Variants in SIGLEC12 observed in about 807,000 individuals in gnomAD.
SIGLEC12 encodes the protein sialic acid-binding Ig-like lectin 12.
In SIGLEC12, 43 loss-of-function variants were observed where a neutral mutation model predicts 54.1. That is an observed-to-expected ratio of 0.80 (90% CI 0.62 to 1.03). The LOEUF (loss-of-function observed/expected upper bound fraction) is 1.03. SIGLEC12 is among the 50% of genes least tolerant of loss of function. SIGLEC12 has a pLI of 0.00. For synonymous variants in SIGLEC12, 357 were observed against 307.6 expected (o/e 1.16, Z -1.68); for missense variants, 802 against 735.2 (o/e 1.09, Z -1.05).
chr19:51,498,001 G>C lies in SIGLEC12; in HGVS notation c.1405+17C>G, dbSNP rs1244757178. Reference sequence around the variant, plus strand: ...GGGACATGTGTGTTCTCCTCCTCCAGACCCTCCCCTACCCACCTGTGTACT... The same window carrying C: ...GGGACATGTGTGTTCTCCTCCTCCACACCCTCCCCTACCCACCTGTGTACT... On this transcript the variant is annotated intron_variant, in intron 5 of 7. Transcript: ENST00000291707. 1 of 1,613,760 alleles carries C rather than the reference G, an allele frequency of 6.2e-7. No individual in the cohort carries two copies. The highest frequency in any genetic ancestry group is 8.5e-7 in the Non-Finnish European group (1 of 1,179,748).
Position 51,499,191 on chromosome 19 carries a change from C to G in SIGLEC12, c.1114G>C (p.Val372Leu). 6.2e-7 allele frequency: 1 copy of G among 1,614,098 alleles called. No individual in the cohort carries two copies. The highest frequency in any genetic ancestry group is 8.5e-7 in the Non-Finnish European group (1 of 1,179,968). ...TTACCTGTGCCATCTCCTTGGAAGA[C>G]AGTCATGGTCAAGTTCTGAGGAGGA... The part of the protein sequence containing the change: ...SYPPQNLTMT[V>L]FQGDGTASTT... Residue 372 changes from valine (V) to leucine (L), a missense_variant, in exon 4 of 8, where the codon GTC becomes CTC. By Grantham distance (32) the Val-to-Leu change is conservative (BLOSUM62 1). Transcript: ENST00000291707.
In SIGLEC12 at chr19:51,497,395, C is replaced by T. The variant is rs369948742; in HGVS notation, c.1456G>A (p.Gly486Arg). 5.0e-6 allele frequency: 8 copies of T among 1,613,160 alleles called. No individual in the cohort carries two copies. The highest frequency in any genetic ancestry group is 1.3e-5 in the African/African-American group (1 of 74,894). ...GVTLGAFGGA[G>R]ATALVFLYFC... The stretch of plus-strand genomic sequence containing the variant: ...TACAGGAAGACCAGGGCTGTGGCTC[C>T]AGCTCCCCCGAATGCCCCTAGCGTC... Residue 486 changes from glycine (G) to arginine (R), a missense_variant, in exon 6 of 8, where the codon GGA (glycine) becomes AGA (arginine). Transcript: ENST00000291707.
chr19:51,496,951 C>G lies in SIGLEC12; in HGVS notation c.1528G>C (p.Ala510Pro). ...VVVRSCRKKS[A>P]RPAVGVGDTG... ...TCCCCCACGCCCACTGCTGGCCTTG[C>G]CGATTTCTTCCTGCAGGACCTCACT... The change falls in exon 7 of 8, where the codon GCA becomes CCA. Residue 510 changes from alanine to proline, a missense_variant. Physicochemically the swap from Ala to Pro is conservative, Grantham distance 27. Transcript: ENST00000291707. The G allele has an allele frequency of 6.2e-7, 1 of 1,613,440 alleles. No homozygotes were observed. Among genetic ancestry groups the G allele is most frequent in the Non-Finnish European group, 8.5e-7 (1 of 1,180,004 alleles).
At chr19:51,499,879 C>A (rs201450072) in intron 2 of SIGLEC12, 41 bp downstream of exon 2, 5 of 1,573,616 alleles carry the variant, frequency 3.2e-6, no homozygotes, top group Non-Finnish European at 3.5e-6. Flanking sequence ...CTGCGGCCCT[C>A]GGGCCTTCCC....
intron 7 of SIGLEC12, among the ~76,000 whole-genome samples, chr19:51,495,804 C>T (rs1002936484): frequency 2.6e-5 from 4 of 152,162 alleles, no homozygotes; most frequent in African/African-American, 4.8e-5. Context: ...ATGGATGTTA[C>T]TCTGCTACTC....
chr19:51,493,505 G>A (rs1183666699), intron 7 of SIGLEC12, among the ~76,000 whole-genome samples: 4 of 152,060 alleles, frequency 2.6e-5, no homozygotes, highest in African/African-American at 4.8e-5. Context: ...ACATCTTGTC[G>A]AAAGGCACAC....
intron 3 of SIGLEC12, 91 bp downstream of exon 3, chr19:51,499,347 C>T: frequency 6.4e-7 from 1 of 1,560,282 alleles, no homozygotes; most frequent in Non-Finnish European, 8.7e-7. Flanking sequence ...AGCCAAGATT[C>T]CAGGACCCAG....
intron 1 of SIGLEC12, among the ~76,000 whole-genome samples, chr19:51,501,081 G>A (rs1990380922): frequency 6.6e-6 from 1 of 152,136 alleles, no homozygotes; most frequent in South Asian, 2.1e-4. Flanking sequence ...AGCGTCAGAG[G>A]CAGGATGAGG....
At position 51,495,430 on chromosome 19, in the gene SIGLEC12, T is replaced by C. The variant is rs1326899458; in HGVS notation, c.1599+1450A>G. Among the ~76,000 whole-genome samples, 22 of 146,364 alleles carry C rather than the reference T, an allele frequency of 1.5e-4. 1 individual carries two copies. Among genetic ancestry groups the C allele is most frequent in the African/African-American group, 5.6e-4 (22 of 39,150 alleles). Reference sequence around the variant, plus strand: ...GTGGGTGGGTGGATGGATGGATGGATGGATGGATGGATGGACTGACGGGTG... The same window carrying C: ...GTGGGTGGGTGGATGGATGGATGGACGGATGGATGGATGGACTGACGGGTG... On this transcript the variant is annotated intron_variant, in intron 7 of 7. Transcript: ENST00000291707.
chr19:51,496,807 A>T, intron 7 of SIGLEC12, 73 bp downstream of exon 7: 1 of 1,516,494 alleles, frequency 6.6e-7, no homozygotes, highest in South Asian at 1.1e-5. Flanking sequence ...AAGGACAGTG[A>T]GGAAGTAATC....
In SIGLEC12 at chr19:51,496,962, C is replaced by T; in HGVS notation, c.1517G>A (p.Arg506Lys). 3 of 1,613,336 alleles carry T rather than the reference C, an allele frequency of 1.9e-6. No individual in the cohort carries two copies. The highest frequency in any genetic ancestry group is 1.3e-5 in the African/African-American group (1 of 75,022). ...CACTGCTGGCCTTGCCGATTTCTTC[C>T]TGCAGGACCTCACTCTGAGTGAAGA... Reference protein sequence around the residue: ...CIIFVVVRSCRKKSARPAVGV... With the variant: ...CIIFVVVRSCKKKSARPAVGV... Residue 506 changes from arginine (R) to lysine (K), a missense_variant, in exon 7 of 8, where the codon AGG (arginine) becomes AAG (lysine). Transcript: ENST00000291707.
At position 51,499,715 on chromosome 19, in the gene SIGLEC12, G is replaced by T; in HGVS notation, c.810C>A (p.Ala270=). 6.2e-7 allele frequency: 1 copy of T among 1,613,816 alleles called. No homozygotes were observed. Among genetic ancestry groups the T allele is most frequent in the East Asian group, 2.2e-5 (1 of 44,874 alleles). ...TGGAGAAGGTGGGCATGTGAGTCAG[G>T]GCTGGTGATGAAAGGGAGACAGGCA... ...IYDKLSVHVT[A]LTHMPTFSIP... is the part of the protein sequence containing the mutation. The change falls in exon 3 of 8, where the codon GCC becomes GCA. Residue 270 remains alanine (A), a splice_region_variant and synonymous_variant. Transcript: ENST00000291707.
chr19:51,495,313 G>GTTGATGGA (rs2031252167), intron 7 of SIGLEC12, among the ~76,000 whole-genome samples: 1 of 60,410 alleles, frequency 1.7e-5, no homozygotes, highest in African/African-American at 5.3e-5. Flanking sequence ...GGACGGGTGG[G>GTTGATGGA]TGGATGGATG....
At chr19:51,499,349 A>T in intron 3 of SIGLEC12, 89 bp downstream of exon 3, 1 of 1,558,460 alleles carries the variant, frequency 6.4e-7, no homozygotes, top group Admixed American at 1.8e-5. Flanking sequence ...CCAAGATTCC[A>T]GGACCCAGAT....
At chr19:51,495,826 C>T (rs1393229273) in intron 7 of SIGLEC12, among the ~76,000 whole-genome samples, 1 of 152,186 alleles carries the variant, frequency 6.6e-6, no homozygotes, top group African/African-American at 2.4e-5. Flanking sequence ...AAACCTTCCA[C>T]AGGCTTCCAG....
At chr19:51,492,904 TG>T (rs1990145287) in intron 7 of SIGLEC12, among the ~76,000 whole-genome samples, 1 of 152,234 alleles carries the variant, frequency 6.6e-6, no homozygotes, top group African/African-American at 2.4e-5. Flanking sequence ...CCAGGAAATG[TG>T]TGGCAATTTG....
At position 51,491,534 on chromosome 19, in the gene SIGLEC12, G is replaced by T; in HGVS notation, c.*107C>A. 1 of 1,069,334 alleles carries T rather than the reference G, an allele frequency of 9.4e-7. No individual in the cohort carries two copies. The allele number at this position is 1,069,334 out of a possible 1,614,324, so 66.2% of individuals were successfully genotyped here. A position where few individuals can be genotyped will look rare whatever the true frequency, so the allele number is the denominator to read the frequency against. ...TTTGACAAGAGGAATAAGTTCTGAT[G>T]TCCTGTTGCACAGCATGGAGGGCTG... On this transcript the variant is annotated 3_prime_UTR_variant, in exon 8 of 8. Transcript: ENST00000291707.
At chr19:51,493,044 T>C (rs905265757) in intron 7 of SIGLEC12, among the ~76,000 whole-genome samples, 3 of 152,180 alleles carry the variant, frequency 2.0e-5, no homozygotes, top group Admixed American at 1.3e-4. Context: ...CATGGAACTG[T>C]TTGTGATTTC....
At chr19:51,495,494 CAGAT>C (rs1396468058) in intron 7 of SIGLEC12, among the ~76,000 whole-genome samples, 2 of 150,506 alleles carry the variant, frequency 1.3e-5, no homozygotes, top group East Asian at 4.0e-4. Flanking sequence ...GACAGACGGA[CAGAT>C]GGATGGATGG....
Sources: gnomAD v4.1 joint callset for allele counts (sites outside exome capture counted in the v4.1 genomes callset) on GRCh38, gnomAD v4.1.1 for gene constraint, MANE v1.5 for transcripts, NCBI Gene and HGNC (gene_info 2026-07-23, HGNC 2026-07-21) for gene names.